The following TRIQK variants were observed in gnomAD, a reference collection of about 807,000 sequenced individuals.
The protein encoded by TRIQK is triple QxxK/R motif containing.
Under a neutral mutation model 10.8 loss-of-function variants are expected in TRIQK, and 10 were observed. That is an observed-to-expected ratio of 0.92 (90% CI 0.57 to 1.57). The LOEUF (loss-of-function observed/expected upper bound fraction) is 1.57. Ranked by LOEUF, TRIQK falls within the 40% of genes most tolerant of loss-of-function variation. The pLI, the probability that TRIQK is intolerant of heterozygous loss-of-function variation, is 0.00. For missense variants in TRIQK, 107 were observed against 97.7 expected (o/e 1.09, Z -0.40); for synonymous variants, 33 against 33.7 (o/e 0.98, Z 0.07).
chr8:92,934,985 A>C (rs1586454092), intron 2 of TRIQK, among the ~76,000 whole-genome samples: 1 of 151,860 alleles, frequency 6.6e-6, no homozygotes, highest in East Asian at 1.9e-4. Flanking sequence ...GTTACAATGG[A>C]TTGATGGAGA....
chr8:92,976,650 A>C (rs569221314), intron 1 of TRIQK, among the ~76,000 whole-genome samples: 6 of 151,904 alleles, frequency 3.9e-5, no homozygotes, highest in Admixed American at 3.3e-4. Flanking sequence ...TGCTGATATA[A>C]TTGGGTTTAA....
chr8:92,987,103 A>G (rs146560301), intron 1 of TRIQK, among the ~76,000 whole-genome samples: 102 of 152,324 alleles, frequency 6.7e-4, no homozygotes, highest in African/African-American at 2.3e-3. Flanking sequence ...AATTTAACAT[A>G]CTATGGTCAC....
intron 2 of TRIQK, among the ~76,000 whole-genome samples, chr8:92,937,756 A>G (rs1811066740): frequency 6.6e-6 from 1 of 151,834 alleles, no homozygotes; most frequent in African/African-American, 2.4e-5. Flanking sequence ...ATACTACTCT[A>G]CATATTATAT....
chr8:92,935,057 G>C (rs1810914356), intron 2 of TRIQK, among the ~76,000 whole-genome samples: 1 of 151,696 alleles, frequency 6.6e-6, no homozygotes, highest in Non-Finnish European at 1.5e-5. Context: ...CTTTGTGCCA[G>C]CTTTTTATCT....
intron 3 of TRIQK, among the ~76,000 whole-genome samples, chr8:92,910,361 A>G (rs1210797705): frequency 6.6e-6 from 1 of 151,352 alleles, no homozygotes; most frequent in Non-Finnish European, 1.5e-5. Flanking sequence ...AAAGAAAAGA[A>G]AAGAAAAAAA....
At chr8:92,976,145 A>C (rs865864105) in intron 1 of TRIQK, among the ~76,000 whole-genome samples, 6 of 152,090 alleles carry the variant, frequency 3.9e-5, no homozygotes, top group Middle Eastern at 3.6e-3. Context: ...CTTCAATAGC[A>C]TTCTATAAAT....
intron 1 of TRIQK, among the ~76,000 whole-genome samples, chr8:93,015,887 T>C (rs1414643670): frequency 6.6e-6 from 1 of 152,094 alleles, no homozygotes; most frequent in Admixed American, 6.6e-5. Context: ...CCATTAACCC[T>C]AATGAGTGTT....
chr8:92,941,011 C>T (rs1811243306), intron 2 of TRIQK: 1 of 152,076 alleles, frequency 6.6e-6, no homozygotes, highest in African/African-American at 2.4e-5. Context: ...AATTGAACAA[C>T]ATCCTTCTGA....
At chr8:93,017,266 A>C (rs533534291) in intron 1 of TRIQK, among the ~76,000 whole-genome samples, 103 of 152,220 alleles carry the variant, frequency 6.8e-4, no homozygotes, top group African/African-American at 2.5e-3. Flanking sequence ...CCAACAAATG[A>C]CGCTCTCGTT....
At chr8:92,947,579 C>T (rs1038736424) in intron 2 of TRIQK, among the ~76,000 whole-genome samples, 13 of 132,192 alleles carry the variant, frequency 9.8e-5, no homozygotes, top group African/African-American at 3.1e-4. Context: ...AGTGAAACTC[C>T]GCCTCAGGAA....
chr8:92,993,722 T>G (rs1015921777), intron 1 of TRIQK, among the ~76,000 whole-genome samples: 1 of 152,210 alleles, frequency 6.6e-6, no homozygotes, highest in Non-Finnish European at 1.5e-5. Flanking sequence ...GCCTTGATCA[T>G]GCCAATTCCC....
At chr8:92,917,535 C>A (rs542119604) in intron 2 of TRIQK, among the ~76,000 whole-genome samples, 1 of 152,002 alleles carries the variant, frequency 6.6e-6, no homozygotes, top group South Asian at 2.1e-4. Flanking sequence ...AAAACTACTA[C>A]CATTTATTAA....
At chr8:92,957,638 CT>C (rs1812243324) in intron 1 of TRIQK, among the ~76,000 whole-genome samples, 1 of 151,862 alleles carries the variant, frequency 6.6e-6, no homozygotes, top group African/African-American at 2.4e-5. Context: ...TGGTCTATAA[CT>C]AAACTTCTAT....
At chr8:92,925,326 T>C (rs1810393466) in intron 2 of TRIQK, among the ~76,000 whole-genome samples, 1 of 152,112 alleles carries the variant, frequency 6.6e-6, no homozygotes, top group African/African-American at 2.4e-5. Context: ...TTCATGACTT[T>C]GTAGAGGCAA....
intron 2 of TRIQK, among the ~76,000 whole-genome samples, chr8:92,918,730 CTA>C (rs1809998637): frequency 6.6e-6 from 1 of 151,582 alleles, no homozygotes; most frequent in African/African-American, 2.4e-5. Context: ...TGATGTAATC[CTA>C]TGTGTCTATT....
chr8:92,905,125 T>C (rs1182071076), intron 3 of TRIQK, among the ~76,000 whole-genome samples: 1 of 152,054 alleles, frequency 6.6e-6, no homozygotes, highest in East Asian at 1.9e-4. Flanking sequence ...AAAATATTCA[T>C]AGAAGCATCG....
chr8:92,955,032 A>G (rs897313051), intron 1 of TRIQK, among the ~76,000 whole-genome samples: 1 of 152,054 alleles, frequency 6.6e-6, no homozygotes, highest in Admixed American at 6.6e-5. Context: ...GCACATTTTA[A>G]AAGCAACATG....
At chr8:92,926,200 G>C (rs1586436816) in intron 2 of TRIQK, 3 of 151,760 alleles carry the variant, frequency 2.0e-5, no homozygotes, top group Non-Finnish European at 4.4e-5. Flanking sequence ...AGGCAATAGA[G>C]ATAAATCTCA....
chr8:93,015,794 A>G lies in TRIQK; in HGVS notation c.-181+1815T>C, dbSNP rs561142291. On this transcript the variant is annotated intron_variant, in intron 1 of 4. Transcript: ENST00000520686. ...TCTATTCAACTGATATAAATGTTTT[A>G]TGAAGGTTTCAGAGTATTCCTCCTG... Among the ~76,000 whole-genome samples the G allele has an allele frequency of 2.2e-4, 34 of 152,130 alleles. No homozygotes were observed. In the South Asian group the frequency reaches 6.4e-3, roughly 29 times the overall value.
Sources: allele counts gnomAD v4.1 joint callset (sites outside exome capture counted in the v4.1 genomes callset), GRCh38; gene constraint gnomAD v4.1.1; transcripts MANE v1.5; gene names NCBI Gene and HGNC (gene_info 2026-07-23, HGNC 2026-07-21).